The following CALN1 variants were observed in gnomAD, a reference collection of about 807,000 sequenced individuals.
CALN1 encodes the protein calneuron 1.
A neutral mutation model predicts 30.6 loss-of-function variants in CALN1; 17 were observed. The ratio of observed to expected loss-of-function variants is 0.56; its 90% CI spans 0.38 to 0.83. CALN1 has a LOEUF of 0.83. Among genes scored for constraint, CALN1 ranks in the 40% least tolerant of loss-of-function variants. CALN1 has a pLI of 0.00. For synonymous variants in CALN1, 156 were observed against 131.4 expected (o/e 1.19, Z -1.28); for missense variants, 291 against 354.9 (o/e 0.82, Z 1.45).
intron 2 of CALN1, among the ~76,000 whole-genome samples, chr7:72,313,359 C>A (rs534806087): frequency 6.6e-6 from 1 of 152,084 alleles, no homozygotes; most frequent in Non-Finnish European, 1.5e-5. Context: ...ATCCCTATAT[C>A]CTACCATAGC....
intron 2 of CALN1, among the ~76,000 whole-genome samples, chr7:72,335,213 G>C (rs1012029159): frequency 6.6e-6 from 1 of 152,194 alleles, no homozygotes; most frequent in African/African-American, 2.4e-5. Flanking sequence ...AGGAGAGCTG[G>C]AATGGGGCTT....
intron 3 of CALN1, among the ~76,000 whole-genome samples, chr7:72,163,355 T>C (rs1167890414): frequency 1.5e-5 from 2 of 135,740 alleles, no homozygotes; most frequent in East Asian, 2.0e-4. Flanking sequence ...CAAGGCATTA[T>C]CCACAATGTA....
At chr7:72,399,500 A>C (rs894896082) in intron 2 of CALN1, among the ~76,000 whole-genome samples, 2 of 151,670 alleles carry the variant, frequency 1.3e-5, no homozygotes, top group Admixed American at 1.3e-4. Context: ...CGATCTCTTG[A>C]CCTCGTGATC....
At chr7:72,431,185 C>T (rs1807964958) in intron 1 of CALN1, among the ~76,000 whole-genome samples, 1 of 152,080 alleles carries the variant, frequency 6.6e-6, no homozygotes. Context: ...TGGCCTCAGC[C>T]TCCCAAAGTG....
chr7:72,327,299 G>C (rs967926425), intron 2 of CALN1, among the ~76,000 whole-genome samples: 8 of 152,158 alleles, frequency 5.3e-5, no homozygotes, highest in African/African-American at 1.9e-4. Flanking sequence ...TTTGACACCA[G>C]CCTGGCCAGT....
intron 3 of CALN1, among the ~76,000 whole-genome samples, chr7:72,262,172 C>T (rs2129552864): frequency 6.6e-6 from 1 of 152,320 alleles, no homozygotes; most frequent in South Asian, 2.1e-4. Flanking sequence ...ACCGCAGCTC[C>T]TACCCAAGGA....
chr7:72,403,337 C>A lies in CALN1; in HGVS notation c.33G>T (p.Lys11Asn), dbSNP rs368485421. 5 of 1,549,202 alleles carry A rather than the reference C, an allele frequency of 3.2e-6. No homozygotes were observed. In the African/African-American group the frequency reaches 6.8e-5, roughly 21 times the overall value. ...CGTCCCCCTTTTTCTCATTCTCGGGCTTCCCCTCTCCGGGTTGCTCTGGCA... is the reference window on the plus strand; with the variant it reads ...CGTCCCCCTTTTTCTCATTCTCGGGATTCCCCTCTCCGGGTTGCTCTGGCA... MRLPEQPGEG[K>N]PENEKKGDGG... Residue 11 changes from lysine to asparagine, a missense_variant, in exon 2 of 7, where the codon AAG (lysine) becomes AAT (asparagine). By Grantham distance (94) the Lys-to-Asn change is moderately conservative. This residue lies in a region of CALN1 where 122 missense variants were observed against 103.2 expected (regional missense o/e 1.18). Transcript: ENST00000395275.
chr7:71,956,980 G>A (rs1796992926), intron 5 of CALN1, among the ~76,000 whole-genome samples: 2 of 152,132 alleles, frequency 1.3e-5, no homozygotes, highest in South Asian at 2.1e-4. Flanking sequence ...TTACAGGTGT[G>A]AGCCACCACA....
At chr7:72,160,084 A>G (rs2129544763) in intron 3 of CALN1, among the ~76,000 whole-genome samples, 1 of 152,252 alleles carries the variant, frequency 6.6e-6, no homozygotes, top group African/African-American at 2.4e-5. Flanking sequence ...TCCATCTGGT[A>G]TTCCCCTATC....
At chr7:71,888,447 A>C (rs996775782) in intron 5 of CALN1, among the ~76,000 whole-genome samples, 3 of 137,596 alleles carry the variant, frequency 2.2e-5, no homozygotes, top group African/African-American at 8.5e-5. Flanking sequence ...GAGAGAGAGA[A>C]AGACATTTTT....
intron 4 of CALN1, among the ~76,000 whole-genome samples, chr7:72,071,125 G>A (rs949554240): frequency 2.0e-5 from 3 of 152,170 alleles, no homozygotes; most frequent in African/African-American, 4.8e-5. Flanking sequence ...ATCAATTTCA[G>A]CTCTTAGCAC....
rs149602865 is a variant in CALN1 at position 71,883,961 on chromosome 7, T to G, written c.502-73469A>C. ...TGACAGAGTCTCTCTGTTGCCAGGT[T>G]GGAGTGAAGTGGCGCGATCTTGGCT... On this transcript the variant is annotated intron_variant, in intron 5 of 6. Coordinates refer to ENST00000395275, the MANE Select transcript of CALN1 (RefSeq NM_031468.4). 3.9e-5 allele frequency among the ~76,000 whole-genome samples: 6 copies of G among 152,316 alleles called. No homozygotes were observed. The East Asian group carries it at 9.6e-4, about 24-fold the overall frequency.
intron 3 of CALN1, among the ~76,000 whole-genome samples, chr7:72,124,150 G>A (rs888805275): frequency 1.3e-5 from 2 of 152,164 alleles, no homozygotes; most frequent in Non-Finnish European, 2.9e-5. Flanking sequence ...CTGGCTCAGA[G>A]TCCAGGAGGA....
intron 3 of CALN1, among the ~76,000 whole-genome samples, chr7:72,119,401 C>A (rs1451203793): frequency 6.6e-6 from 1 of 152,044 alleles, no homozygotes; most frequent in Non-Finnish European, 1.5e-5. Context: ...AGACCTGACC[C>A]CATATGATTC....
At chr7:72,325,081 C>T (rs1354602112) in intron 2 of CALN1, among the ~76,000 whole-genome samples, 1 of 151,890 alleles carries the variant, frequency 6.6e-6, no homozygotes, top group Non-Finnish European at 1.5e-5. Flanking sequence ...AGGAGAATTG[C>T]TTAAGGGCAG....
intron 3 of CALN1, among the ~76,000 whole-genome samples, chr7:72,166,765 C>T (rs540512436): frequency 3.7e-4 from 56 of 152,184 alleles, no homozygotes; most frequent in Admixed American, 2.1e-3. Flanking sequence ...GTAGTCCAGG[C>T]GCGGTGGTGG....
Position 71,922,301 on chromosome 7 carries a change from T to C in CALN1, c.501+101356A>G, listed in dbSNP as rs1272167761. On this transcript the variant is annotated intron_variant, in intron 5 of 6. Coordinates refer to ENST00000395275, the MANE Select transcript of CALN1 (RefSeq NM_031468.4). ...TGGCATGGCAATGTGCCTGTATACA[T>C]TGAGCAAGAATTAACTGCCTCATGA... 7.2e-5 allele frequency among the ~76,000 whole-genome samples: 11 copies of C among 152,076 alleles called. 1 individual carries two copies. The highest frequency in any genetic ancestry group is 5.3e-4 in the Admixed American group (8 of 15,234).
At chr7:72,061,639 C>T (rs1803654666) in intron 4 of CALN1, among the ~76,000 whole-genome samples, 3 of 151,694 alleles carry the variant, frequency 2.0e-5, no homozygotes, top group African/African-American at 7.3e-5. Context: ...AGTCTTTCTC[C>T]TCTTCTTCTA....
chr7:72,475,040 T>C, the CALN1 span, among the ~76,000 whole-genome samples: 1 of 152,226 alleles, frequency 6.6e-6, no homozygotes, highest in Non-Finnish European at 1.5e-5. Context: ...ATAGCAATTA[T>C]GGCATTCTTC....
Sources: gnomAD v4.1 joint callset for allele counts (sites outside exome capture counted in the v4.1 genomes callset) on GRCh38, gnomAD v4.1.1 for gene constraint, gnomAD v4.1.1 regional missense constraint, MANE v1.5 for transcripts, NCBI Gene and HGNC (gene_info 2026-07-23, HGNC 2026-07-21) for gene names.